Variants in EPHB1 observed in about 807,000 individuals in gnomAD.
EPHB1 encodes the protein ephrin type-B receptor 1.
A neutral mutation model predicts 94.4 loss-of-function variants in EPHB1; 30 were observed. The ratio of observed to expected loss-of-function variants is 0.32; its 90% confidence interval spans 0.24 to 0.43. The LOEUF (loss-of-function observed/expected upper bound fraction) is 0.43, where lower values mean the gene tolerates loss of function less well. Among genes scored for constraint, EPHB1 ranks in the 20% least tolerant of loss-of-function variants. The pLI is 1.00. For missense variants in EPHB1, 1,055 were observed against 1,308.3 expected, an observed-to-expected ratio of 0.81 and a Z score of 2.99; for synonymous variants, 522 against 489.1, an observed-to-expected ratio of 1.07 and a Z score of -0.89.
At chr3:135,086,303 G>A (rs1938359482) in intron 3 of EPHB1, among the ~76,000 whole-genome samples, 1 of 150,680 alleles carries the variant, frequency 6.6e-6, no homozygotes, top group Non-Finnish European at 1.5e-5. Context: ...TGAGGAATTG[G>A]TAGGCACACC....
chr3:135,041,000 C>G (rs966980499), intron 3 of EPHB1, among the ~76,000 whole-genome samples: 3 of 152,112 alleles, frequency 2.0e-5, no homozygotes, highest in African/African-American at 7.2e-5. Flanking sequence ...TAAGGCTCAG[C>G]TAGGACTTTA....
At chr3:134,935,306 G>A (rs944987392) in intron 2 of EPHB1, among the ~76,000 whole-genome samples, 2 of 152,202 alleles carry the variant, frequency 1.3e-5, no homozygotes, top group African/African-American at 2.4e-5. Flanking sequence ...GAAAACAGGC[G>A]AAGAAGGGAG....
chr3:135,020,381 T>C (rs1179398937), intron 3 of EPHB1, among the ~76,000 whole-genome samples: 2 of 152,192 alleles, frequency 1.3e-5, no homozygotes, highest in South Asian at 2.1e-4. Flanking sequence ...AACAGTTTCA[T>C]CTTCCCAAAA....
intron 1 of EPHB1, among the ~76,000 whole-genome samples, chr3:134,829,765 G>A (rs1295180874): frequency 6.6e-6 from 1 of 152,118 alleles, no homozygotes; most frequent in Non-Finnish European, 1.5e-5. Context: ...GAATAGGATA[G>A]GTCCCTATTC....
chr3:134,821,546 G>C (rs2036380971), intron 1 of EPHB1, among the ~76,000 whole-genome samples: 1 of 152,100 alleles, frequency 6.6e-6, no homozygotes, highest in African/African-American at 2.4e-5. Flanking sequence ...GACAGAATTA[G>C]TGGTGAAAAA....
At chr3:134,890,029 G>A (rs1401079731) in intron 1 of EPHB1, among the ~76,000 whole-genome samples, 1 of 152,080 alleles carries the variant, frequency 6.6e-6, no homozygotes, top group African/African-American at 2.4e-5. Context: ...AGAGAGATGT[G>A]TTGTAAACAC....
Position 134,799,467 on chromosome 3 carries a change from T to C in EPHB1, c.58+3778T>C, listed in dbSNP as rs557060001. Among the ~76,000 whole-genome samples, 37 of 152,366 alleles carry C rather than the reference T, an allele frequency of 2.4e-4. 2 individuals are homozygous for C. In the South Asian group the frequency reaches 7.3e-3, roughly 30 times the overall value. ...TTGTGCAAAGTGGAACGATCACCAT[T>C]ACTCAGTGTTTGTGGAGCTGCCTCC... On this transcript the variant is annotated intron_variant, in intron 1 of 15. Coordinates refer to ENST00000398015, the MANE Select transcript of EPHB1 (RefSeq NM_004441.5).
chr3:134,857,444 G>A (rs942028023), intron 1 of EPHB1, among the ~76,000 whole-genome samples: 4 of 152,110 alleles, frequency 2.6e-5, no homozygotes, highest in Admixed American at 1.3e-4. Flanking sequence ...TCACCAGGAC[G>A]CGTATGGGCC....
intron 1 of EPHB1, among the ~76,000 whole-genome samples, chr3:134,911,488 G>A (rs182930643): frequency 5.7e-4 from 87 of 152,176 alleles, no homozygotes; most frequent in Middle Eastern, 3.4e-3. Flanking sequence ...GGTATGATGT[G>A]GTCAGCTTCA....
chr3:135,044,458 G>A (rs1398377748), intron 3 of EPHB1, among the ~76,000 whole-genome samples: 1 of 152,160 alleles, frequency 6.6e-6, no homozygotes, highest in East Asian at 1.9e-4. Flanking sequence ...GCTGACTAGT[G>A]TGCTGCAAAG....
At chr3:135,146,537 G>A (rs1336025770) in intron 5 of EPHB1, among the ~76,000 whole-genome samples, 2 of 152,124 alleles carry the variant, frequency 1.3e-5, no homozygotes, top group Admixed American at 6.5e-5. Flanking sequence ...AGAGTCACTC[G>A]GTCTCCTTAT....
intron 1 of EPHB1, among the ~76,000 whole-genome samples, chr3:134,887,633 C>A (rs1474418653): frequency 6.6e-6 from 1 of 152,166 alleles, no homozygotes; most frequent in African/African-American, 2.4e-5. Flanking sequence ...CATTATAAAT[C>A]TGAATAATGA....
At chr3:135,252,614 A>G (rs1462982320) in intron 15 of EPHB1, among the ~76,000 whole-genome samples, 1 of 146,028 alleles carries the variant, frequency 6.8e-6, no homozygotes, top group Non-Finnish European at 1.5e-5. Context: ...CCAGTCTATC[A>G]TTGTTGGACA....
intron 11 of EPHB1, among the ~76,000 whole-genome samples, chr3:135,197,829 C>T (rs530500703): frequency 0.013 from 1,963 of 149,274 alleles, 37 homozygotes; most frequent in African/African-American, 0.047. Context: ...TTTTTTTTTT[C>T]TTATCTTGTT....
chr3:135,213,744 G>C (rs962717086), intron 12 of EPHB1, among the ~76,000 whole-genome samples: 9 of 152,170 alleles, frequency 5.9e-5, no homozygotes, highest in Non-Finnish European at 1.3e-4. Context: ...TTTCTCTTCT[G>C]ATCAGTAGGA....
intron 9 of EPHB1, among the ~76,000 whole-genome samples, chr3:135,174,219 G>A (rs1340651775): frequency 6.6e-6 from 1 of 152,086 alleles, no homozygotes; most frequent in Non-Finnish European, 1.5e-5. Flanking sequence ...TGTCAGCTCT[G>A]TGTGTCTCAT....
At chr3:135,171,732 A>G (rs1360273339) in intron 9 of EPHB1, among the ~76,000 whole-genome samples, 2 of 152,248 alleles carry the variant, frequency 1.3e-5, no homozygotes, top group Non-Finnish European at 2.9e-5. Flanking sequence ...AATCCAAGCA[A>G]TGTTATTGAT....
intron 3 of EPHB1, among the ~76,000 whole-genome samples, chr3:134,957,948 G>A (rs766490322): frequency 6.6e-6 from 1 of 152,134 alleles, no homozygotes; most frequent in Non-Finnish European, 1.5e-5. Context: ...AACAGCTCTC[G>A]ATGTGCCTGT....
chr3:134,860,150 G>GACACACACACACAC (rs10642036), intron 1 of EPHB1, among the ~76,000 whole-genome samples: 3 of 142,814 alleles, frequency 2.1e-5, no homozygotes, highest in Non-Finnish European at 3.1e-5. Context: ...AGAAGGAAGG[G>GACACACACACACAC]ACACACACAC....
Sources: gnomAD v4.1 joint callset for allele counts (sites outside exome capture counted in the v4.1 genomes callset) on GRCh38, gnomAD v4.1.1 for gene constraint, MANE v1.5 for transcripts, NCBI Gene and HGNC (gene_info 2026-07-23, HGNC 2026-07-21) for gene names.